The following ATF7IP variants were observed in gnomAD, a reference collection of about 807,000 sequenced individuals.
The protein encoded by ATF7IP is activating transcription factor 7-interacting protein 1.
A neutral mutation model predicts 106.4 loss-of-function variants in ATF7IP; 23 were observed. That is an observed-to-expected ratio of 0.22 (90% confidence interval 0.16 to 0.31). The LOEUF (loss-of-function observed/expected upper bound fraction) is 0.31. ATF7IP is among the 10% of genes least tolerant of loss of function. ATF7IP has a pLI of 1.00. For synonymous variants in ATF7IP, 542 were observed against 539.0 expected, an observed-to-expected ratio of 1.01 and a Z score of -0.08; for missense variants, 1,334 against 1,524.3, an observed-to-expected ratio of 0.88 and a Z score of 2.08.
At chr12:14,465,905 A>G (rs1365956323) in intron 9 of ATF7IP, among the ~76,000 whole-genome samples, 1 of 152,118 alleles carries the variant, frequency 6.6e-6, no homozygotes, top group African/African-American at 2.4e-5. Context: ...AATAATCTCA[A>G]TAGGTGCAAA....
intron 13 of ATF7IP, 22 bp from the exon 14 acceptor site, chr12:14,496,209 T>G (rs757667232): frequency 4.2e-6 from 6 of 1,435,786 alleles, no homozygotes. Flanking sequence ...TTTTATCCTG[T>G]AATTTTTTTG....
intron 1 of ATF7IP, among the ~76,000 whole-genome samples, chr12:14,410,715 A>T (rs115685886): frequency 6.6e-6 from 1 of 152,046 alleles, no homozygotes; most frequent in African/African-American, 2.4e-5. Context: ...GTTATTGTCA[A>T]TCTCTTACTG....
chr12:14,466,687 G>A (rs1355759056), intron 10 of ATF7IP, 97 bp downstream of exon 10: 2 of 989,086 alleles, frequency 2.0e-6, no homozygotes, highest in East Asian at 2.5e-5. Flanking sequence ...ATTGTTCTAT[G>A]TGTGTTTTTT....
intron 13 of ATF7IP, among the ~76,000 whole-genome samples, chr12:14,494,034 A>G (rs938699421): frequency 6.6e-6 from 1 of 151,958 alleles, no homozygotes. Context: ...TCCCACAAGC[A>G]GTGAATCAGG....
intron 1 of ATF7IP, among the ~76,000 whole-genome samples, chr12:14,390,796 A>G (rs1265344075): frequency 4.6e-5 from 7 of 152,248 alleles, no homozygotes; most frequent in Admixed American, 2.0e-4. Flanking sequence ...TACAGTGTCT[A>G]TGTGAAGACT....
rs1373441469 is a variant in ATF7IP, at chr12:14,499,557, C to A, written c.*1484C>A. The A allele has an allele frequency of 6.6e-6, 1 of 152,174 alleles. No individual in the cohort carries two copies. Among genetic ancestry groups the A allele is most frequent in the African/African-American group, 2.4e-5 (1 of 41,424 alleles). The allele number at this position is 152,174 out of a possible 1,614,324, so 9.4% of individuals were successfully genotyped here. The stretch of plus-strand genomic sequence containing the variant: ...AATATCAAGGGGAAAGCTTCATTTC[C>A]TCTTTATTCTCTTTATCGTCCTTCC... On this transcript the variant is annotated 3_prime_UTR_variant, in exon 15 of 15. Coordinates refer to ENST00000261168, the MANE Select transcript of ATF7IP (RefSeq NM_018179.5).
At chr12:14,412,725 G>T (rs190082886) in intron 1 of ATF7IP, among the ~76,000 whole-genome samples, 3 of 151,460 alleles carry the variant, frequency 2.0e-5, no homozygotes, top group African/African-American at 7.3e-5. Context: ...TAAGTTGTAT[G>T]ACTTGTGGCT....
chr12:14,375,011 G>T (rs945936765), intron 1 of ATF7IP, among the ~76,000 whole-genome samples: 2 of 151,716 alleles, frequency 1.3e-5, no homozygotes, highest in Non-Finnish European at 2.9e-5. Context: ...TTCTAATAAG[G>T]TATGATAAGA....
intron 1 of ATF7IP, among the ~76,000 whole-genome samples, chr12:14,407,629 T>C (rs1940672501): frequency 6.6e-6 from 1 of 152,160 alleles, no homozygotes; most frequent in Non-Finnish European, 1.5e-5. Flanking sequence ...ATTTCAAGTA[T>C]TGTCAACTTT....
At chr12:14,403,897 A>G (rs1236882974) in intron 1 of ATF7IP, among the ~76,000 whole-genome samples, 1 of 152,186 alleles carries the variant, frequency 6.6e-6, no homozygotes, top group East Asian at 1.9e-4. Flanking sequence ...CTTAGCAACT[A>G]CTTGTGAAGT....
intron 9 of ATF7IP, among the ~76,000 whole-genome samples, chr12:14,464,410 T>C (rs1243269574): frequency 6.6e-6 from 1 of 152,208 alleles, no homozygotes; most frequent in Admixed American, 6.5e-5. Flanking sequence ...ATGAGCGAAG[T>C]GTTTGCCTTT....
At chr12:14,450,159 C>A (rs1249863557) in intron 6 of ATF7IP, among the ~76,000 whole-genome samples, 1 of 151,806 alleles carries the variant, frequency 6.6e-6, no homozygotes, top group Non-Finnish European at 1.5e-5. Flanking sequence ...TCATTTATTT[C>A]TTTTTCTTGC....
chr12:14,442,399 TG>T (rs1729809451), intron 5 of ATF7IP, among the ~76,000 whole-genome samples: 1 of 152,200 alleles, frequency 6.6e-6, no homozygotes, highest in Non-Finnish European at 1.5e-5. Flanking sequence ...TGTTTTGCAA[TG>T]TGTACATAGT....
chr12:14,429,359 C>G (rs1286145074), intron 2 of ATF7IP, among the ~76,000 whole-genome samples: 1 of 152,048 alleles, frequency 6.6e-6, no homozygotes. Context: ...TTTGGCCTTT[C>G]TCATTCTATT....
At position 14,460,643 on chromosome 12, in the gene ATF7IP, T is replaced by C. The variant is rs758673242; in HGVS notation, c.2307T>C (p.Ser769=). 1.9e-6 allele frequency: 3 copies of C among 1,614,178 alleles called. No homozygotes were observed. The highest frequency in any genetic ancestry group is 2.5e-6 in the Non-Finnish European group (3 of 1,180,018). The change falls in exon 9 of 15, where the codon AGT becomes AGC. Residue 769 remains serine, a synonymous_variant. Coordinates refer to ENST00000261168, the MANE Select transcript of ATF7IP (RefSeq NM_018179.5). ...TAGTTGCTACTACTCAGGTGCCTAG[T>C]GGAAATCCCCAGCCTACAATCTCTT... ...ATVVATTQVP[S]GNPQPTISLQ...
chr12:14,495,575 G>A (rs1324056447), intron 13 of ATF7IP, among the ~76,000 whole-genome samples: 1 of 152,180 alleles, frequency 6.6e-6, no homozygotes, highest in Admixed American at 6.5e-5. Flanking sequence ...AATATAGTTA[G>A]GGCAGTAGGT....
rs1322444728 is a variant in ATF7IP at position 14,461,067 on chromosome 12, A to G, written c.2731A>G (p.Ile911Val). Residue 911 changes from isoleucine to valine, a missense_variant, in exon 9 of 15, where the codon ATT becomes GTT. This residue lies in a region of ATF7IP where 370 missense variants were observed against 401.2 expected (regional missense o/e 0.92). Coordinates refer to ENST00000261168, the MANE Select transcript of ATF7IP (RefSeq NM_018179.5). ...TAATCGAGGTCCTATACAGATGAAA[A>G]TTCCAATTTCTGCATTTAGTACTTC... ...STNRGPIQMKIPISAFSTSSA... is the reference protein window; with the variant it reads ...STNRGPIQMKVPISAFSTSSA... The G allele has an allele frequency of 6.2e-7, 1 of 1,613,994 alleles. No individual in the cohort carries two copies. Among genetic ancestry groups the G allele is most frequent in the African/African-American group, 1.3e-5 (1 of 74,908 alleles).
intron 2 of ATF7IP, among the ~76,000 whole-genome samples, chr12:14,431,686 A>G (rs115863043): frequency 0.48 from 72,910 of 151,796 alleles, 17,592 homozygotes; most frequent in Admixed American, 0.55. Context: ...GAGCCACCAC[A>G]CCCGGCAGTA....
chr12:14,436,048 T>G, intron 3 of ATF7IP, 58 bp from the exon 4 acceptor site: 1 of 1,530,818 alleles, frequency 6.5e-7, no homozygotes, highest in Non-Finnish European at 8.9e-7. Flanking sequence ...ATGGATAATA[T>G]GCATTAAGAG....
Sources: gnomAD v4.1 joint callset for allele counts (sites outside exome capture counted in the v4.1 genomes callset) on GRCh38, gnomAD v4.1.1 for gene constraint, gnomAD v4.1.1 regional missense constraint, MANE v1.5 for transcripts, NCBI Gene and HGNC (gene_info 2026-07-23, HGNC 2026-07-21) for gene names.